The following MED24 variants were observed in gnomAD, a reference collection of about 807,000 sequenced individuals.
MED24 encodes the protein mediator of RNA polymerase II transcription subunit 24.
A neutral mutation model predicts 118.8 loss-of-function variants in MED24; 74 were observed. The observed-to-expected ratio is 0.62, with a 90% CI of 0.52 to 0.76. MED24 has a LOEUF of 0.76. MED24 is among the 30% of genes least tolerant of loss of function. The pLI, the probability that MED24 is intolerant of heterozygous loss-of-function variation, is 0.00. For synonymous variants in MED24, 521 were observed against 523.9 expected (o/e 0.99, Z 0.08); for missense variants, 1,041 against 1,278.9 (o/e 0.81, Z 2.84).
intron 3 of MED24, among the ~76,000 whole-genome samples, chr17:40,047,886 T>C (rs564278198): frequency 4.6e-5 from 7 of 151,872 alleles, no homozygotes; most frequent in Non-Finnish European, 4.4e-5. Flanking sequence ...CCCACCACCA[T>C]GCCCGGCTAA....
In MED24 at chr17:40,033,255, A is replaced by G. The variant is rs745381318; in HGVS notation, c.672-49T>C. The G allele has an allele frequency of 6.8e-6, 11 of 1,612,404 alleles. No homozygotes were observed. Among genetic ancestry groups the G allele is most frequent in the Admixed American group, 5.0e-5 (3 of 60,026 alleles). On this transcript the variant is annotated intron_variant, in intron 7 of 25. Transcript: ENST00000394128. This position sits in a 1 kb window ranked among gnomAD's most constrained non-coding sequence, Gnocchi z 5.2. ...ACGGTGTTTGGGGGGCCAAAGGTGA[A>G]GGCGGAGAGGATGGCACGGGTGCCA...
At chr17:40,049,888 G>A (rs1205863214) in intron 3 of MED24, among the ~76,000 whole-genome samples, 2 of 151,286 alleles carry the variant, frequency 1.3e-5, no homozygotes, top group African/African-American at 4.8e-5. Context: ...GGTGGCTCAA[G>A]CCTGTAATCC....
rs1234244499 is a variant in MED24 at position 40,053,326 on chromosome 17, G to C, written c.185C>G (p.Ser62Cys). 6.2e-7 allele frequency: 1 copy of C among 1,611,992 alleles called. No homozygotes were observed. The highest frequency in any genetic ancestry group is 2.2e-5 in the East Asian group (1 of 44,872). The change falls in exon 3 of 26, where the codon TCC becomes TGC. Residue 62 changes from serine (S) to cysteine (C), a missense_variant. Ser to Cys is a moderately radical substitution (Grantham distance 112). This residue lies in a region of MED24 where 434 missense variants were observed against 514.9 expected (regional missense o/e 0.84). Transcript: ENST00000394128. The part of the protein sequence containing the change: ...IGPSPNPLIL[S>C]YLKYAISSQM... ...GGAACTAATGGCATACTTCAGGTAG[G>C]ACAAGATGAGAGGATTGGGGGATGG...
intron 12 of MED24, 59 bp from the exon 13 acceptor site, chr17:40,029,918 CG>C: frequency 4.7e-6 from 7 of 1,478,822 alleles, no homozygotes; most frequent in Non-Finnish European, 6.6e-6. Flanking sequence ...ATTCTTGACA[CG>C]TTCCCTCGTT....
In MED24 at chr17:40,032,722, G is replaced by A; in HGVS notation, c.863C>T (p.Ala288Val). ...AGACTCAATGAGCCCCACGAAGCAA[G>A]CTTTCCAGATCTCCAGGACAAAAAG... ...TPLFVLEIWK[A>V]CFVGLIESPE... The change falls in exon 9 of 26, where the codon GCT becomes GTT. Residue 288 changes from alanine to valine, a missense_variant. By Grantham distance (64) the Ala-to-Val change is moderately conservative (BLOSUM62 0). Around this residue, in one of 3 missense-constraint regions of MED24, gnomAD observed 434 missense variants for 514.9 expected, o/e 0.84. Coordinates refer to ENST00000394128, the MANE Select transcript of MED24 (RefSeq NM_014815.4). The A allele has an allele frequency of 6.2e-7, 1 of 1,613,948 alleles. No homozygotes were observed. The highest frequency in any genetic ancestry group is 8.5e-7 in the Non-Finnish European group (1 of 1,179,998).
chr17:40,031,076 G>A, intron 12 of MED24, 83 bp downstream of exon 12: 1 of 1,363,354 alleles, frequency 7.3e-7, no homozygotes, highest in African/African-American at 1.4e-5. Context: ...TTCGACAGGA[G>A]GTTGAAAGGC....
chr17:40,041,139 A>G (rs986495848), intron 3 of MED24, among the ~76,000 whole-genome samples: 2 of 152,158 alleles, frequency 1.3e-5, no homozygotes, highest in Non-Finnish European at 2.9e-5. Context: ...TGACCACTCT[A>G]TGAATCTTCT....
chr17:40,047,953 C>T (rs1985427059), intron 3 of MED24, among the ~76,000 whole-genome samples: 1 of 152,188 alleles, frequency 6.6e-6, no homozygotes, highest in Non-Finnish European at 1.5e-5. Context: ...TGGTCTTGAA[C>T]TTCTGACCTC....
At chr17:40,040,950 G>A (rs569235630) in intron 3 of MED24, among the ~76,000 whole-genome samples, 16 of 151,836 alleles carry the variant, frequency 1.1e-4, no homozygotes, top group African/African-American at 3.4e-4. Context: ...TAGGGTCTAT[G>A]TTGTCTAGGC....
intron 3 of MED24, among the ~76,000 whole-genome samples, chr17:40,038,743 G>T (rs935340217): frequency 4.6e-5 from 7 of 150,802 alleles, no homozygotes; most frequent in Non-Finnish European, 1.0e-4. Flanking sequence ...GAAGAAAGCC[G>T]TCTGCTCAAT....
intron 3 of MED24, among the ~76,000 whole-genome samples, chr17:40,041,864 A>G (rs1984596450): frequency 6.6e-6 from 1 of 152,210 alleles, no homozygotes; most frequent in Non-Finnish European, 1.5e-5. Context: ...AAGAGCCTAA[A>G]TCAGGGGTTG....
intron 18 of MED24, 39 bp downstream of exon 18, chr17:40,026,608 G>T: frequency 6.4e-7 from 1 of 1,551,284 alleles, no homozygotes; most frequent in Non-Finnish European, 8.8e-7. Context: ...CTGGCTCTGT[G>T]TCTCAGGGGA....
chr17:40,032,373 G>T (rs1050382529), intron 9 of MED24: 26 of 569,210 alleles, frequency 4.6e-5, no homozygotes, highest in Non-Finnish European at 6.8e-5. Context: ...GAGGACTGGG[G>T]CCCCTTTCCC....
In MED24 at chr17:40,021,971, G is replaced by A; in HGVS notation, c.2607C>T (p.Asn869=). 6.2e-7 allele frequency: 1 copy of A among 1,604,958 alleles called. No individual in the cohort carries two copies. Among genetic ancestry groups the A allele is most frequent in the African/African-American group, 1.3e-5 (1 of 74,596 alleles). Residue 869 remains asparagine, a synonymous_variant, in exon 23 of 26, where the codon AAC becomes AAT. Transcript: ENST00000394128. ...CACACTCACTGGGGCTCGAAAGGAT[G>A]TTGGCATCGTCCTCATTAGAGCTCA... ...RLLSSNEDDA[N]ILSSPTDRSM...
chr17:40,053,844 G>GT (rs562619085), intron 1 of MED24: 1 of 672,934 alleles, frequency 1.5e-6, no homozygotes, highest in Non-Finnish European at 2.5e-6. Context: ...CACTAAGAAA[G>GT]TATCGGCCGA....
Position 40,033,549 on chromosome 17 carries a change from CACA to C in MED24, c.560-96_560-94del. On this transcript the variant is annotated intron_variant, in intron 6 of 25. Transcript: ENST00000394128. This position sits in a 1 kb window ranked among gnomAD's most constrained non-coding sequence, Gnocchi z 5.2. ...TCCTCGATTTTGGCACTCCCTCCGG[CACA>C]CGAAACCACACAGGAAGGCTTCCCC... 1 of 933,702 alleles carries C rather than the reference CACA, an allele frequency of 1.1e-6. No homozygotes were observed. The highest frequency in any genetic ancestry group is 1.4e-5 in the South Asian group (1 of 71,510). 57.8% of individuals were successfully genotyped at this position (933,702 alleles called of 1,614,324 possible).
rs371797692 is a variant in MED24, at chr17:40,022,478, G to A, written c.2439C>T (p.Ala813=). ...DPPGTALAKL[A]VWCALSSYSS... ...AGTAGGAACTGAGGGCACACCACAC[G>A]GCCAGCCTGGCAAAGGGTTCCAGAA... Residue 813 remains alanine, a synonymous_variant, in exon 22 of 26, where the codon GCC becomes GCT. Coordinates refer to ENST00000394128, the MANE Select transcript of MED24 (RefSeq NM_014815.4). 49 of 1,608,006 alleles carry A rather than the reference G, an allele frequency of 3.0e-5. No homozygotes were observed. Among genetic ancestry groups the A allele is most frequent in the South Asian group, 1.7e-4 (15 of 90,012 alleles).
At position 40,023,402 on chromosome 17, in the gene MED24, G is replaced by GTTCATGATCACCACCCTCTC; in HGVS notation, c.1986-8_1986-7insGAGAGGGTGGTGATCATGAA. On this transcript the variant is annotated splice_polypyrimidine_tract_variant and splice_region_variant and intron_variant, in intron 19 of 25. Coordinates refer to ENST00000394128, the MANE Select transcript of MED24 (RefSeq NM_014815.4). ...CGAGTTCATGATCACCACCCTGGGG[G>GTTCATGATCACCACCCTCTC]AGGGCCGAGAGAACCTGAGGCTCAG... 1 of 1,574,922 alleles carries GTTCATGATCACCACCCTCTC rather than the reference G, an allele frequency of 6.3e-7. No homozygotes were observed.
chr17:40,049,169 C>A (rs764802185), intron 3 of MED24, among the ~76,000 whole-genome samples: 2 of 151,608 alleles, frequency 1.3e-5, no homozygotes, highest in Non-Finnish European at 2.9e-5. Flanking sequence ...AGTGAGACCC[C>A]GTTTCCACAA....
Sources: allele counts gnomAD v4.1 joint callset (sites outside exome capture counted in the v4.1 genomes callset), GRCh38; gene constraint gnomAD v4.1.1; regional missense constraint gnomAD v4.1.1; non-coding constraint Gnocchi (gnomAD v3.1); transcripts MANE v1.5; gene names NCBI Gene and HGNC (gene_info 2026-07-23, HGNC 2026-07-21).